The following RIMS2 variants were observed in gnomAD, a reference collection of about 807,000 sequenced individuals.
RIMS2 encodes the protein regulating synaptic membrane exocytosis protein 2.
In RIMS2, 59 loss-of-function variants were observed where a neutral mutation model predicts 174.4. The observed-to-expected ratio is 0.34, with a 90% CI of 0.27 to 0.42. The LOEUF is 0.42. Among genes scored for constraint, RIMS2 ranks in the 10% least tolerant of loss-of-function variants. The probability of loss-of-function intolerance (pLI) is 1.00; values close to 1 mark genes in which losing one functional copy is unlikely to be tolerated. For synonymous variants in RIMS2, 606 were observed against 572.5 expected, an observed-to-expected ratio of 1.06 and a Z score of -0.84; for missense variants, 1,620 against 1,666.3, an observed-to-expected ratio of 0.97 and a Z score of 0.48.
At position 103,653,177 on chromosome 8, in the gene RIMS2, T is replaced by C. The variant is rs1353174562; in HGVS notation, c.177-43909T>C. On this transcript the variant is annotated intron_variant, in intron 1 of 23. Transcript: ENST00000504942. ...CAAGGGTATTAGAACATACACTGTT[T>C]AATACATTTGTTTGACCACTGAATC... 2.0e-5 allele frequency among the ~76,000 whole-genome samples: 3 copies of C among 152,170 alleles called. No homozygotes were observed. In the East Asian group the frequency reaches 5.8e-4, roughly 29 times the overall value.
At position 103,502,026 on chromosome 8, in the gene RIMS2, C is replaced by T. The variant is rs189013941; in HGVS notation, c.176+964C>T. Among the ~76,000 whole-genome samples the T allele has an allele frequency of 3.3e-5, 5 of 152,314 alleles. No individual in the cohort carries two copies. The East Asian group carries it at 7.7e-4, about 23-fold the overall frequency. ...TGAATGTTTTATGGTTATTTGATTT[C>T]TCAGTTACTTTGTGAAAGAGGTTAT... On this transcript the variant is annotated intron_variant, in intron 1 of 23. Coordinates refer to ENST00000504942, the Ensembl canonical transcript of RIMS2.
intron 19 of RIMS2, among the ~76,000 whole-genome samples, chr8:104,225,493 C>T (rs968764739): frequency 6.6e-6 from 1 of 152,002 alleles, no homozygotes; most frequent in Non-Finnish European, 1.5e-5. Flanking sequence ...ATTTTTACAC[C>T]AAGTCTTCAG....
chr8:103,513,530 C>T (rs550704534), intron 1 of RIMS2, among the ~76,000 whole-genome samples: 1 of 152,210 alleles, frequency 6.6e-6, no homozygotes, highest in East Asian at 1.9e-4. Context: ...ATTGATATTT[C>T]TCTCGTGAAA....
chr8:104,082,979 A>T (rs2097454114), intron 19 of RIMS2, among the ~76,000 whole-genome samples: 1 of 152,152 alleles, frequency 6.6e-6, no homozygotes, highest in Admixed American at 6.6e-5. Flanking sequence ...AGGCTATTGT[A>T]GTAGTCCAAG....
intron 1 of RIMS2, among the ~76,000 whole-genome samples, chr8:103,501,882 G>T (rs1303951039): frequency 1.3e-5 from 2 of 152,072 alleles, no homozygotes; most frequent in Non-Finnish European, 2.9e-5. Context: ...ACCCAGGCAT[G>T]CGTTTACCGG....
intron 1 of RIMS2, among the ~76,000 whole-genome samples, chr8:103,575,690 A>G (rs1245039236): frequency 3.4e-5 from 5 of 149,124 alleles, no homozygotes; most frequent in South Asian, 4.2e-4. Flanking sequence ...ACACACATAT[A>G]TATATATATA....
intron 2 of RIMS2, among the ~76,000 whole-genome samples, chr8:103,741,315 G>T (rs1056999491): frequency 5.3e-5 from 8 of 151,978 alleles, no homozygotes; most frequent in African/African-American, 1.9e-4. Context: ...AAATGCTGAG[G>T]AAATATGTTC....
chr8:104,064,163 G>A (rs2097059660), intron 19 of RIMS2, among the ~76,000 whole-genome samples: 1 of 151,904 alleles, frequency 6.6e-6, no homozygotes, highest in Non-Finnish European at 1.5e-5. Flanking sequence ...CACTAAATAG[G>A]CTTTTTAAAG....
chr8:103,982,359 A>C (rs2093980228), intron 16 of RIMS2, among the ~76,000 whole-genome samples: 1 of 152,080 alleles, frequency 6.6e-6, no homozygotes, highest in Admixed American at 6.6e-5. Flanking sequence ...TATTTCAAAA[A>C]ATAAAGAAGG....
chr8:103,519,167 C>T (rs1256178347), intron 1 of RIMS2, among the ~76,000 whole-genome samples: 1 of 152,030 alleles, frequency 6.6e-6, no homozygotes, highest in African/African-American at 2.4e-5. Flanking sequence ...ATAGAATAAA[C>T]AATTCAGTGA....
rs183559315 is a variant in RIMS2 at position 104,145,512 on chromosome 8, G to A, written c.3335-99404G>A. Among the ~76,000 whole-genome samples the A allele has an allele frequency of 3.6e-3, 492 of 136,622 alleles. 4 individuals carry two copies. The highest frequency in any genetic ancestry group is 0.012 in the African/African-American group (453 of 36,848). The allele number at this position is 136,622 out of a possible 152,430, so 89.6% of individuals were successfully genotyped here. A position where few individuals can be genotyped will look rare whatever the true frequency, so the allele number is the denominator to read the frequency against. ...TTAAACACTTTTTCAAAAATCAAGA[G>A]TCCCAAAACTTTAAAAATTTTGGTA... On this transcript the variant is annotated intron_variant, in intron 19 of 23. Transcript: ENST00000504942.
rs904369422 is a variant in RIMS2, at chr8:103,604,307, G to T, written c.177-92779G>T. 3.2e-3 allele frequency among the ~76,000 whole-genome samples: 487 copies of T among 151,770 alleles called. 2 individuals carry two copies. The highest frequency in any genetic ancestry group is 0.011 in the African/African-American group (455 of 41,414). On this transcript the variant is annotated intron_variant, in intron 1 of 23. Transcript: ENST00000504942. ...CAGGTTTGTCAAAGATCAGATAGTT[G>T]TTGATATGCGGCGTTATTTCTGAGG...
intron 19 of RIMS2, among the ~76,000 whole-genome samples, chr8:104,046,135 G>A (rs1419424023): frequency 6.6e-6 from 1 of 151,930 alleles, no homozygotes; most frequent in Non-Finnish European, 1.5e-5. Flanking sequence ...TTACAATTCT[G>A]GGGACTGGAA....
intron 20 of RIMS2, among the ~76,000 whole-genome samples, chr8:104,245,549 G>C (rs1014578567): frequency 6.6e-6 from 1 of 152,024 alleles, no homozygotes. Context: ...AAAAAACTTG[G>C]GGAGCCTTTT....
At chr8:104,001,112 T>G (rs2095366855) in intron 17 of RIMS2, among the ~76,000 whole-genome samples, 2 of 151,886 alleles carry the variant, frequency 1.3e-5, no homozygotes, top group Admixed American at 6.6e-5. Flanking sequence ...CCTGTGTTTT[T>G]GAGGTCTTAC....
chr8:103,734,918 C>T (rs2097665683), intron 2 of RIMS2, among the ~76,000 whole-genome samples: 1 of 122,216 alleles, frequency 8.2e-6, no homozygotes, highest in Admixed American at 7.8e-5. Context: ...ACTTCTGTGC[C>T]ACCGAAGGGC....
At chr8:103,556,493 A>G (rs1334891566) in intron 1 of RIMS2, among the ~76,000 whole-genome samples, 1 of 152,186 alleles carries the variant, frequency 6.6e-6, no homozygotes. Flanking sequence ...ATTTTTACAG[A>G]TGCAGTAACT....
intron 19 of RIMS2, among the ~76,000 whole-genome samples, chr8:104,130,193 C>T (rs1357691496): frequency 1.3e-5 from 2 of 152,130 alleles, no homozygotes; most frequent in Non-Finnish European, 1.5e-5. Context: ...AGAAGAATTT[C>T]CATAATGGAT....
At chr8:103,637,195 C>G (rs1300867424) in intron 1 of RIMS2, among the ~76,000 whole-genome samples, 1 of 152,212 alleles carries the variant, frequency 6.6e-6, no homozygotes, top group African/African-American at 2.4e-5. Flanking sequence ...TTCTTTCACT[C>G]CACCATGGCC....
Sources: gnomAD v4.1 joint callset for allele counts (sites outside exome capture counted in the v4.1 genomes callset) on GRCh38, gnomAD v4.1.1 for gene constraint, MANE v1.5 for transcripts, NCBI Gene and HGNC (gene_info 2026-07-23, HGNC 2026-07-21) for gene names.